The following ADAM9 variants were observed in gnomAD, a reference collection of about 807,000 sequenced individuals.
ADAM9 encodes ADAM metallopeptidase domain 9.
In ADAM9, 54 loss-of-function variants were observed where a neutral mutation model predicts 108.1. That is an observed-to-expected ratio of 0.50 (90% CI 0.40 to 0.63). ADAM9 has a LOEUF of 0.63. ADAM9 is among the 20% of genes least tolerant of loss of function. The pLI, the probability that ADAM9 is intolerant of heterozygous loss-of-function variation, is 0.00. For missense variants in ADAM9, 830 were observed against 997.7 expected (o/e 0.83, Z 2.26); for synonymous variants, 316 against 336.0 (o/e 0.94, Z 0.65).
At chr8:39,082,510 G>T in intron 16 of ADAM9, 131 bp from the exon 17 acceptor site, 2 of 640,282 alleles carry the variant, frequency 3.1e-6, no homozygotes, top group Non-Finnish European at 5.3e-6. Flanking sequence ...ATATAATATG[G>T]GAATTAATGG....
chr8:39,098,517 A>G (rs1839580936), intron 20 of ADAM9, among the ~76,000 whole-genome samples: 1 of 152,210 alleles, frequency 6.6e-6, no homozygotes, highest in Non-Finnish European at 1.5e-5. Context: ...CTACTAAACT[A>G]TGCCAAATCT....
intron 14 of ADAM9, among the ~76,000 whole-genome samples, chr8:39,061,427 C>T (rs1183686969): frequency 6.6e-6 from 1 of 152,146 alleles, no homozygotes; most frequent in Non-Finnish European, 1.5e-5. Context: ...CTTCATAAGC[C>T]CCTACTCTGA....
chr8:39,038,080 A>G (rs950446736), intron 11 of ADAM9, among the ~76,000 whole-genome samples: 1 of 152,090 alleles, frequency 6.6e-6, no homozygotes, highest in Non-Finnish European at 1.5e-5. Context: ...CACTTCTTAC[A>G]GCTCCCACTG....
intron 1 of ADAM9, among the ~76,000 whole-genome samples, chr8:39,003,028 C>A (rs1836053227): frequency 6.6e-6 from 1 of 152,034 alleles, no homozygotes; most frequent in South Asian, 2.1e-4. Flanking sequence ...AGGAGAGCGC[C>A]ACCAGGCCTG....
At chr8:39,085,026 C>T (rs1839143212) in intron 18 of ADAM9, among the ~76,000 whole-genome samples, 1 of 152,102 alleles carries the variant, frequency 6.6e-6, no homozygotes, top group South Asian at 2.1e-4. Flanking sequence ...ATTAATTAGT[C>T]AGCATGGAAA....
rs1322455102 is a variant in ADAM9 at position 39,037,434 on chromosome 8, ATATT to A, written c.1131-4509_1131-4506del. 4.1e-5 allele frequency among the ~76,000 whole-genome samples: 6 copies of A among 144,882 alleles called. No individual in the cohort carries two copies. In the East Asian group the frequency reaches 5.9e-4, roughly 14 times the overall value. The stretch of plus-strand genomic sequence containing the variant: ...TTATGTAGTATATATATTTAAATAT[ATATT>A]TAAGTGTGTGTGTGTGTGTGTTTTT... On this transcript the variant is annotated intron_variant, in intron 11 of 21. Transcript: ENST00000487273.
At chr8:39,054,634 T>A in intron 13 of ADAM9, 61 bp downstream of exon 13, 2 of 1,417,480 alleles carry the variant, frequency 1.4e-6, no homozygotes, top group Non-Finnish European at 1.9e-6. Context: ...AAAACCTGTG[T>A]ATATCAAAAT....
rs796790802 is a variant in ADAM9, at chr8:39,045,074, G to A, written c.1302+2957G>A. On this transcript the variant is annotated intron_variant, in intron 12 of 21. Transcript: ENST00000487273. ...TATGTGTGTGTGCATACATACATAT[G>A]TGTGTGTGCATACATACATATGTGT... is the stretch of plus-strand genomic sequence containing the variant. Among the ~76,000 whole-genome samples, 107 of 25,610 alleles carry A rather than the reference G, an allele frequency of 4.2e-3. 16 individuals are homozygous for A. The East Asian group carries it at 0.091, about 22-fold the overall frequency. The allele number at this position is 25,610 out of a possible 152,430, so 16.8% of individuals were successfully genotyped here.
intron 1 of ADAM9, among the ~76,000 whole-genome samples, chr8:39,007,297 G>A (rs993468066): frequency 1.3e-5 from 2 of 152,186 alleles, no homozygotes; most frequent in Non-Finnish European, 2.9e-5. Flanking sequence ...CTCTGTTCAT[G>A]AGGGATCCAC....
chr8:39,084,889 A>C (rs578254378), intron 18 of ADAM9, among the ~76,000 whole-genome samples: 2 of 152,224 alleles, frequency 1.3e-5, no homozygotes, highest in South Asian at 4.1e-4. Flanking sequence ...TAGGTACATA[A>C]ACACTTAGAA....
chr8:39,104,240 T>G lies in ADAM9; in HGVS notation c.*540T>G. The stretch of plus-strand genomic sequence containing the variant: ...ACTCACTACATGAATAAGCAAATAT[T>G]GTCTTCAAAAGAATGCACAAGAACC... On this transcript the variant is annotated 3_prime_UTR_variant, in exon 22 of 22. Transcript: ENST00000487273. The G allele has an allele frequency of 4.4e-6, 2 of 453,740 alleles. No homozygotes were observed. Among genetic ancestry groups the G allele is most frequent in the South Asian group, 3.1e-5 (2 of 64,336 alleles). The allele number at this position is 453,740 out of a possible 1,614,324, so 28.1% of individuals were successfully genotyped here. A position where few individuals can be genotyped will look rare whatever the true frequency, so the allele number is the denominator to read the frequency against.
chr8:39,045,884 T>G (rs1007856075), intron 12 of ADAM9, among the ~76,000 whole-genome samples: 1 of 152,062 alleles, frequency 6.6e-6, no homozygotes, highest in African/African-American at 2.4e-5. Context: ...TCAGCCTTTT[T>G]TTTTTTGACT....
Position 39,104,549 on chromosome 8 carries a change from A to G in ADAM9, c.*849A>G. Reference sequence around the variant, plus strand: ...GCTATAATAAAGCAGGAGCAATTATAAAATCTTCAATCAATTGAACTTTTA... The same window carrying G: ...GCTATAATAAAGCAGGAGCAATTATGAAATCTTCAATCAATTGAACTTTTA... On this transcript the variant is annotated 3_prime_UTR_variant, in exon 22 of 22. Coordinates refer to ENST00000487273, the MANE Select transcript of ADAM9 (RefSeq NM_003816.3). 2.5e-6 allele frequency: 1 copy of G among 393,744 alleles called. No homozygotes were observed. The highest frequency in any genetic ancestry group is 4.9e-6 in the Non-Finnish European group (1 of 203,260). The allele number at this position is 393,744 out of a possible 1,614,324, so 24.4% of individuals were successfully genotyped here.
intron 11 of ADAM9, among the ~76,000 whole-genome samples, chr8:39,031,496 A>G (rs1238320844): frequency 1.3e-5 from 2 of 152,208 alleles, no homozygotes; most frequent in African/African-American, 2.4e-5. Flanking sequence ...TTTCAGCTCC[A>G]TCAGGCCATT....
At chr8:39,065,085 A>G (rs1349553668) in intron 14 of ADAM9, among the ~76,000 whole-genome samples, 1 of 149,760 alleles carries the variant, frequency 6.7e-6, no homozygotes, top group African/African-American at 2.5e-5. Context: ...CTTCCCTTTC[A>G]TTTTTTTGGT....
chr8:39,020,169 C>T (rs1006435331), intron 7 of ADAM9, among the ~76,000 whole-genome samples: 2 of 152,104 alleles, frequency 1.3e-5, no homozygotes, highest in Admixed American at 1.3e-4. Flanking sequence ...CCTGTGATCC[C>T]AGAACCCGGG....
chr8:39,037,633 C>T (rs935612686), intron 11 of ADAM9, among the ~76,000 whole-genome samples: 4 of 151,646 alleles, frequency 2.6e-5, no homozygotes, highest in Non-Finnish European at 4.4e-5. Context: ...GCCCAGGTGG[C>T]CTTGAATTCC....
intron 11 of ADAM9, among the ~76,000 whole-genome samples, chr8:39,040,304 C>T (rs1002850740): frequency 1.2e-4 from 18 of 152,204 alleles, no homozygotes; most frequent in African/African-American, 3.4e-4. Context: ...CCGCCTCAGC[C>T]TCCCAAAGTG....
chr8:39,018,950 A>G (rs184304860), intron 7 of ADAM9, 32 bp downstream of exon 7: 203 of 1,580,214 alleles, frequency 1.3e-4, no homozygotes, highest in Middle Eastern at 6.6e-4. Flanking sequence ...CTTCTTTTCC[A>G]TGAAAAGGAT....
Sources: allele counts gnomAD v4.1 joint callset (sites outside exome capture counted in the v4.1 genomes callset), GRCh38; gene constraint gnomAD v4.1.1; transcripts MANE v1.5; gene names NCBI Gene and HGNC (gene_info 2026-07-23, HGNC 2026-07-21).